The following SEMA3A variants were observed in gnomAD, a reference collection of about 807,000 sequenced individuals.
SEMA3A encodes the protein semaphorin-3A.
A neutral mutation model predicts 97.9 loss-of-function variants in SEMA3A; 29 were observed. The ratio of observed to expected loss-of-function variants is 0.30; its 90% CI spans 0.22 to 0.40. SEMA3A has a LOEUF of 0.40. Among genes scored for constraint, SEMA3A ranks in the 10% least tolerant of loss-of-function variants. The pLI, the probability that SEMA3A is intolerant of heterozygous loss-of-function variation, is 1.00. For synonymous variants in SEMA3A, 321 were observed against 323.7 expected, an observed-to-expected ratio of 0.99 and a Z score of 0.09; for missense variants, 763 against 951.3, an observed-to-expected ratio of 0.80 and a Z score of 2.60.
At chr7:84,101,278 AG>A (rs5885399) in intron 4 of SEMA3A, among the ~76,000 whole-genome samples, 65,827 of 151,940 alleles carry the variant, frequency 0.43, 15,490 homozygotes, top group Admixed American at 0.53. Flanking sequence ...GGATAACAAG[AG>A]GGGGTTCCAT....
chr7:84,119,313 C>T (rs1456347644), intron 3 of SEMA3A, among the ~76,000 whole-genome samples: 1 of 152,060 alleles, frequency 6.6e-6, no homozygotes, highest in East Asian at 1.9e-4. Flanking sequence ...TAGTGAGAAG[C>T]TTCAGGAATT....
At chr7:84,240,717 A>G (rs963450163) in intron 3 of SEMA3A, among the ~76,000 whole-genome samples, 1 of 152,158 alleles carries the variant, frequency 6.6e-6, no homozygotes, top group Admixed American at 6.5e-5. Context: ...TCAACCCATC[A>G]TGTACATTAG....
chr7:84,135,514 C>G (rs189368269), intron 1 of SEMA3A, among the ~76,000 whole-genome samples: 5 of 152,274 alleles, frequency 3.3e-5, no homozygotes, highest in African/African-American at 9.6e-5. Context: ...TCTATACACA[C>G]TGATCTGGCA....
At chr7:84,326,788 A>G (rs1045459807) in intron 2 of SEMA3A, among the ~76,000 whole-genome samples, 1 of 152,048 alleles carries the variant, frequency 6.6e-6, no homozygotes, top group Non-Finnish European at 1.5e-5. Flanking sequence ...CTGAAGCTGG[A>G]TCTCTTCCTT....
At chr7:84,075,799 T>C (rs1273798655) in intron 4 of SEMA3A, among the ~76,000 whole-genome samples, 1 of 152,156 alleles carries the variant, frequency 6.6e-6, no homozygotes, top group Admixed American at 6.6e-5. Context: ...CACTTCTCTA[T>C]TGTAGCAGAA....
At chr7:83,968,486 G>A (rs187571282) in intron 15 of SEMA3A, among the ~76,000 whole-genome samples, 16 of 151,932 alleles carry the variant, frequency 1.1e-4, no homozygotes, top group Non-Finnish European at 2.1e-4. Context: ...TGAGATTCTC[G>A]TGAACAACAG....
intron 4 of SEMA3A, among the ~76,000 whole-genome samples, chr7:84,062,412 A>C (rs539098593): frequency 4.3e-4 from 65 of 152,346 alleles, no homozygotes; most frequent in African/African-American, 1.4e-3. Context: ...AGGAAATAGG[A>C]GGAGCCAAGA....
At chr7:84,005,222 T>G in intron 11 of SEMA3A, 117 bp downstream of exon 11, 1 of 720,568 alleles carries the variant, frequency 1.4e-6, no homozygotes, top group Non-Finnish European at 2.4e-6. Context: ...TAGTTATATG[T>G]GGATTTTCAA....
chr7:83,976,747 A>G (rs892522957), intron 15 of SEMA3A, among the ~76,000 whole-genome samples: 3 of 152,044 alleles, frequency 2.0e-5, no homozygotes, highest in Non-Finnish European at 2.9e-5. Flanking sequence ...GAATCATTTT[A>G]AGGCATATTT....
intron 4 of SEMA3A, among the ~76,000 whole-genome samples, chr7:84,098,000 T>A (rs1413904104): frequency 6.6e-6 from 1 of 152,072 alleles, no homozygotes; most frequent in Non-Finnish European, 1.5e-5. Context: ...ATTTCAACAT[T>A]CTTACAGCTA....
intron 2 of SEMA3A, among the ~76,000 whole-genome samples, chr7:84,331,682 C>A (rs760894888): frequency 5.9e-5 from 9 of 151,978 alleles, no homozygotes; most frequent in Non-Finnish European, 1.2e-4. Context: ...TTCACAGATC[C>A]AGATGTGGCT....
At chr7:84,213,954 T>C (rs943975963) in intron 3 of SEMA3A, among the ~76,000 whole-genome samples, 4 of 152,218 alleles carry the variant, frequency 2.6e-5, no homozygotes, top group African/African-American at 9.6e-5. Context: ...TACCTTTTAT[T>C]TGCTCCAAGT....
chr7:84,420,898 G>T (rs950348965), intron 1 of SEMA3A, among the ~76,000 whole-genome samples: 1 of 151,478 alleles, frequency 6.6e-6, no homozygotes, highest in Non-Finnish European at 1.5e-5. Flanking sequence ...TTATTGGTCT[G>T]GCTATCCATC....
At chr7:84,213,842 T>C (rs569855913) in intron 3 of SEMA3A, among the ~76,000 whole-genome samples, 97 of 152,322 alleles carry the variant, frequency 6.4e-4, no homozygotes, top group Non-Finnish European at 1.1e-3. Context: ...TAGTACCAAA[T>C]AGTACTTTCA....
intron 5 of SEMA3A, among the ~76,000 whole-genome samples, chr7:84,051,367 G>C (rs987443978): frequency 6.6e-5 from 10 of 152,132 alleles, no homozygotes; most frequent in African/African-American, 2.2e-4. Flanking sequence ...CCTTTTGTTT[G>C]TATCCTCTTT....
rs936670344 is a variant in SEMA3A at position 84,473,524 on chromosome 7, G to A, written c.-246+18936C>T. On this transcript the variant is annotated intron_variant, in intron 1 of 3. Coordinates refer to the SEMA3A transcript ENST00000424555. The stretch of plus-strand genomic sequence containing the variant: ...ATTCTCTTGCCTCCTGAGTAGCTGG[G>A]ATTACAGGTGTGCACCACCACGCCT... Among the ~76,000 whole-genome samples the A allele has an allele frequency of 1.6e-4, 25 of 151,580 alleles. 1 individual carries two copies. The highest frequency in any genetic ancestry group is 4.4e-5 in the Non-Finnish European group (3 of 67,920).
chr7:83,981,206 A>G, intron 14 of SEMA3A, 115 bp downstream of exon 14: 1 of 1,169,088 alleles, frequency 8.6e-7, no homozygotes, highest in Non-Finnish European at 1.2e-6. Context: ...TCTGCTCCCA[A>G]ATCTTTTTAT....
chr7:84,349,338 C>T (rs575692497), intron 2 of SEMA3A, among the ~76,000 whole-genome samples: 2 of 152,196 alleles, frequency 1.3e-5, no homozygotes, highest in African/African-American at 4.8e-5. Flanking sequence ...TTTTGGAAAA[C>T]CTGCAATATC....
chr7:84,362,178 A>G (rs1974512), intron 2 of SEMA3A, among the ~76,000 whole-genome samples: 43,571 of 151,696 alleles, frequency 0.29, 6,738 homozygotes, highest in African/African-American at 0.38. Flanking sequence ...ACAGGAGTTT[A>G]AGACCAACCT....
Sources: allele counts gnomAD v4.1 joint callset (sites outside exome capture counted in the v4.1 genomes callset), GRCh38; gene constraint gnomAD v4.1.1; transcripts MANE v1.5; gene names NCBI Gene and HGNC (gene_info 2026-07-23, HGNC 2026-07-21).